MYO19: variants seen among roughly 807,000 people sequenced by gnomAD.
MYO19 encodes myosin XIX, also known as unconventional myosin-XIX.
Under a neutral mutation model 129.2 loss-of-function variants are expected in MYO19, and 132 were observed. The ratio of observed to expected loss-of-function variants is 1.02; its 90% CI spans 0.89 to 1.18. The LOEUF (loss-of-function observed/expected upper bound fraction) is 1.18, where lower values mean the gene tolerates loss of function less well. MYO19 is among the 50% of genes most tolerant of loss of function. MYO19 has a pLI of 0.00. For synonymous variants in MYO19, 531 were observed against 477.2 expected (o/e 1.11, Z -1.47); for missense variants, 1,210 against 1,216.7 (o/e 0.99, Z 0.08).
intron 5 of MYO19, among the ~76,000 whole-genome samples, chr17:36,527,166 C>CT (rs1567786344): frequency 1.3e-4 from 20 of 148,990 alleles, no homozygotes; most frequent in South Asian, 6.4e-4. Context: ...AACTCCATCT[C>CT]AAAATAAATA....
intron 13 of MYO19, 193 bp from the exon 14 acceptor site, chr17:36,509,328 C>A: frequency 4.9e-6 from 3 of 610,100 alleles, no homozygotes; most frequent in Non-Finnish European, 8.8e-6. Context: ...AGGCTATGGG[C>A]ATGCATGTTG....
upstream of MYO19, among the ~76,000 whole-genome samples, chr17:36,543,702 G>A (rs1237880222): frequency 6.6e-6 from 1 of 152,096 alleles, no homozygotes; most frequent in Non-Finnish European, 1.5e-5. Context: ...TGGGCTCACT[G>A]CAACCTCCGC....
chr17:36,497,307 A>C (rs1338744002), intron 25 of MYO19, among the ~76,000 whole-genome samples: 2 of 151,230 alleles, frequency 1.3e-5, no homozygotes, highest in African/African-American at 2.5e-5. Flanking sequence ...CGTCTCAAAA[A>C]ATTAAATAAC....
Position 36,498,326 on chromosome 17 carries a change from G to A in MYO19, c.2697C>T (p.Ser899=). Residue 899 remains serine (S), a synonymous_variant, in exon 25 of 26, where the codon AGC becomes AGT. Coordinates refer to ENST00000614623, the MANE Select transcript of MYO19 (RefSeq NM_001163735.2). ...GGTCTTGTGCTGTCTGGACAGTGTA[G>A]CTACTGGGGCTGCCCCTGGGGAGCT... ...CLQLPRGSPS[S]YTVQTAQDQA... 1.9e-6 allele frequency: 3 copies of A among 1,614,000 alleles called. No homozygotes were observed. The highest frequency in any genetic ancestry group is 2.5e-6 in the Non-Finnish European group (3 of 1,179,894).
intron 3 of MYO19, among the ~76,000 whole-genome samples, chr17:36,530,895 A>G (rs2073795005): frequency 6.6e-6 from 1 of 152,048 alleles, no homozygotes; most frequent in Non-Finnish European, 1.5e-5. Context: ...TATTGGGATT[A>G]CAGGCATGAG....
chr17:36,532,636 C>A lies in MYO19; in HGVS notation c.-98G>T. The A allele has an allele frequency of 7.1e-7, 1 of 1,407,822 alleles. No homozygotes were observed. Among genetic ancestry groups the A allele is most frequent in the Non-Finnish European group, 9.8e-7 (1 of 1,017,124 alleles). 87.2% of individuals were successfully genotyped at this position (1,407,822 alleles called of 1,614,324 possible). ...ACCATGGGCTGGGGTATGGTTCCAACAAAGGGCTCAGTTCTGGAGGAATCT... is the reference window on the plus strand; with the variant it reads ...ACCATGGGCTGGGGTATGGTTCCAAAAAAGGGCTCAGTTCTGGAGGAATCT... On this transcript the variant is annotated 5_prime_UTR_variant, in exon 3 of 26. Transcript: ENST00000614623.
rs188747141 is a variant in MYO19 at position 36,540,793 on chromosome 17, T to C, written n.395+1288A>G. Among the ~76,000 whole-genome samples, 311 of 152,340 alleles carry C rather than the reference T, an allele frequency of 2.0e-3. 2 individuals are homozygous for C. Among genetic ancestry groups the C allele is most frequent in the Non-Finnish European group, 1.3e-3 (87 of 68,028 alleles). On this transcript the variant is annotated intron_variant and non_coding_transcript_variant, in intron 2 of 2. Coordinates refer to the MYO19 transcript ENST00000610496. ...TAATTTAAATAACATTCTGTGGCCATAGATTGTCTTACCACATAAAACTGT... is the reference window on the plus strand; with the variant it reads ...TAATTTAAATAACATTCTGTGGCCACAGATTGTCTTACCACATAAAACTGT...
chr17:36,517,832 T>G (rs2072857574), intron 6 of MYO19, among the ~76,000 whole-genome samples: 1 of 151,720 alleles, frequency 6.6e-6, no homozygotes. Flanking sequence ...CTCACGCCTG[T>G]AATCCCAGCA....
At position 36,522,028 on chromosome 17, in the gene MYO19, T is replaced by TCAAAAAAAAAAAAAAAAAAAA. The variant is rs1567777190; in HGVS notation, c.414+3199_414+3200insTTTTTTTTTTTTTTTTTTTTG. Among the ~76,000 whole-genome samples, 17 of 115,222 alleles carry TCAAAAAAAAAAAAAAAAAAAA rather than the reference T, an allele frequency of 1.5e-4. 1 individual carries two copies. The highest frequency in any genetic ancestry group is 1.3e-4 in the African/African-American group (4 of 30,640). The allele number at this position is 115,222 out of a possible 152,430, so 75.6% of individuals were successfully genotyped here. On this transcript the variant is annotated intron_variant, in intron 6 of 25. Transcript: ENST00000614623. Reference sequence around the variant, plus strand: ...CCTGGCAACAGAGCAAGACTGTCTTTAAAAAAAAAAAAAAAAAAAGAAAAG... The same window carrying TCAAAAAAAAAAAAAAAAAAAA: ...CCTGGCAACAGAGCAAGACTGTCTTTCAAAAAAAAAAAAAAAAAAAAAAAAAAAAAAAAAAAAAAAGAAAAG...
intron 6 of MYO19, among the ~76,000 whole-genome samples, chr17:36,519,642 A>AG (rs1410773556): frequency 1.3e-5 from 2 of 151,560 alleles, no homozygotes; most frequent in Non-Finnish European, 2.9e-5. Flanking sequence ...AAAGAGACAA[A>AG]AAAAAAAAAA....
At chr17:36,528,264 T>TG in intron 3 of MYO19, 62 bp from the exon 4 acceptor site, 2 of 1,498,312 alleles carry the variant, frequency 1.3e-6, no homozygotes, top group Non-Finnish European at 1.8e-6. Context: ...ATCCCAGCAC[T>TG]CTGGGAGGCC....
intron 8 of MYO19, 69 bp downstream of exon 8, chr17:36,515,044 T>TACTGCCCCAGCC (rs1455771985): frequency 4.8e-6 from 7 of 1,470,120 alleles, no homozygotes; most frequent in African/African-American, 1.4e-5. Flanking sequence ...CCAGGCCAGA[T>TACTGCCCCAGCC]ACTGCCCCAG....
intron 3 of MYO19, among the ~76,000 whole-genome samples, chr17:36,531,761 C>T (rs1313808269): frequency 6.6e-6 from 1 of 152,160 alleles, no homozygotes; most frequent in Non-Finnish European, 1.5e-5. Context: ...CACCTGGCTG[C>T]TACCTTGCTG....
At position 36,503,190 on chromosome 17, in the gene MYO19, G is replaced by A. The variant is rs61738886; in HGVS notation, c.1987C>T (p.Arg663Ter). Residue 663 changes from arginine to a stop codon, truncating the protein, a stop_gained, in exon 21 of 26, where the codon CGA becomes TGA. Coordinates refer to ENST00000614623, the MANE Select transcript of MYO19 (RefSeq NM_001163735.2). LOFTEE classifies it high-confidence loss of function. ...AACTTGTATCGTTCTACAAAGTTTCGGTGAGAGACCCTGGAGGCCAAAGCA... is the reference window on the plus strand; with the variant it reads ...AACTTGTATCGTTCTACAAAGTTTCAGTGAGAGACCCTGGAGGCCAAAGCA... ...AAGFPIRVSH[R>*]NFVERYKLLR... 61 of 1,613,832 alleles carry A rather than the reference G, an allele frequency of 3.8e-5. No homozygotes were observed. Among genetic ancestry groups the A allele is most frequent in the South Asian group, 5.5e-5 (5 of 91,084 alleles).
chr17:36,542,610 A>G (rs2074202782), intron 1 of MYO19, among the ~76,000 whole-genome samples: 1 of 151,736 alleles, frequency 6.6e-6, no homozygotes, highest in African/African-American at 2.4e-5. Context: ...GAGGCAGGAG[A>G]ATGGCATGAA....
At position 36,505,374 on chromosome 17, in the gene MYO19, G is replaced by A. The variant is rs1214633651; in HGVS notation, c.1828C>T (p.His610Tyr). 1 of 1,614,244 alleles carries A rather than the reference G, an allele frequency of 6.2e-7. No individual in the cohort carries two copies. The highest frequency in any genetic ancestry group is 1.7e-5 in the Admixed American group (1 of 60,028). Residue 610 changes from histidine (H) to tyrosine (Y), a missense_variant, in exon 19 of 26, where the codon CAC (histidine) becomes TAC (tyrosine). Physicochemically the swap from His to Tyr is moderately conservative, Grantham distance 83. Coordinates refer to ENST00000614623, the MANE Select transcript of MYO19 (RefSeq NM_001163735.2). ...ASLEQLLQVL[H>Y]STTPHYIRCI... ...CGAATGTAGTGGGGCGTGGTGCTGT[G>A]TAGGACCTGCAGAAGCTGCTCCAGT...
At chr17:36,535,911 C>CT (rs139222603), upstream of MYO19, among the ~76,000 whole-genome samples, 10,709 of 151,992 alleles carry the variant, frequency 0.07, 635 homozygotes, top group African/African-American at 0.16. Flanking sequence ...CTTCTCTCGG[C>CT]TAGGACTTTT....
chr17:36,538,006 A>G (rs773486077), upstream of MYO19: 2 of 1,614,048 alleles, frequency 1.2e-6, no homozygotes, highest in Non-Finnish European at 1.7e-6. Context: ...TTAAATGCCA[A>G]CCGCGAAGGA....
intron 23 of MYO19, chr17:36,500,191 C>T (rs1162442437): frequency 6.6e-6 from 1 of 152,182 alleles, no homozygotes; most frequent in Non-Finnish European, 1.5e-5. Flanking sequence ...TACACACACA[C>T]AAACACACCT....
Sources: gnomAD v4.1 joint callset for allele counts (sites outside exome capture counted in the v4.1 genomes callset) on GRCh38, gnomAD v4.1.1 for gene constraint, MANE v1.5 for transcripts, NCBI Gene and HGNC (gene_info 2026-07-23, HGNC 2026-07-21) for gene names.